Variants in NBEA observed in about 807,000 individuals in gnomAD.
The protein encoded by NBEA is neurobeachin.
Under a neutral mutation model 343.4 loss-of-function variants are expected in NBEA, and 44 were observed. That is an observed-to-expected ratio of 0.13 (90% CI 0.10 to 0.16). The LOEUF (loss-of-function observed/expected upper bound fraction) is 0.16. Among genes scored for constraint, NBEA ranks in the 10% least tolerant of loss-of-function variants. The pLI is 1.00. For synonymous variants in NBEA, 1,175 were observed against 1,238.7 expected (o/e 0.95, Z 1.08); for missense variants, 2,555 against 3,631.3 (o/e 0.70, Z 7.62).
chr13:35,156,938 T>TATAACG (rs2069213705), intron 20 of NBEA, 140 bp from the exon 21 acceptor site: 2 of 517,334 alleles, frequency 3.9e-6, no homozygotes, highest in Admixed American at 7.3e-5. Context: ...GTATAGAATA[T>TATAACG]ATAACGTGCA....
chr13:35,381,395 A>G (rs2042006205), intron 38 of NBEA, among the ~76,000 whole-genome samples: 1 of 152,160 alleles, frequency 6.6e-6, no homozygotes, highest in Admixed American at 6.5e-5. Context: ...CATTTGTGAG[A>G]GCATACCAAT....
chr13:34,967,735 T>C (rs1242554710), intron 1 of NBEA, among the ~76,000 whole-genome samples: 1 of 152,084 alleles, frequency 6.6e-6, no homozygotes, highest in Non-Finnish European at 1.5e-5. Context: ...CTACTCACCC[T>C]GCAGTTGTAG....
In NBEA at chr13:35,195,861, C is replaced by T. The variant is rs2072558472; in HGVS notation, c.4928-3C>T. ...TTTTCTAACCTAGTTTCTTTCATTA[C>T]AGAAACACCTGCTGCATTTCCAGAC... On this transcript the variant is annotated splice_region_variant and splice_polypyrimidine_tract_variant and intron_variant, in intron 30 of 58. Transcript: ENST00000379939. 6.4e-7 allele frequency: 1 copy of T among 1,566,978 alleles called. No individual in the cohort carries two copies. Among genetic ancestry groups the T allele is most frequent in the South Asian group, 1.2e-5 (1 of 83,168 alleles).
intron 25 of NBEA, among the ~76,000 whole-genome samples, chr13:35,170,114 C>G (rs1242196428): frequency 6.6e-6 from 1 of 151,732 alleles, no homozygotes; most frequent in Non-Finnish European, 1.5e-5. Context: ...TTATTACCCA[C>G]TTTGTGCACA....
intron 1 of NBEA, among the ~76,000 whole-genome samples, chr13:34,963,873 T>G (rs913620853): frequency 3.9e-5 from 6 of 152,060 alleles, no homozygotes; most frequent in African/African-American, 1.4e-4. Context: ...ATCTAGGTCT[T>G]ACTTTTCTTT....
At chr13:35,480,799 T>C (rs2152966594) in intron 41 of NBEA, among the ~76,000 whole-genome samples, 1 of 152,134 alleles carries the variant, frequency 6.6e-6, no homozygotes. Context: ...ATGTGTCACA[T>C]TAAATAAAGT....
At chr13:35,638,623 C>T (rs2083804532) in intron 49 of NBEA, among the ~76,000 whole-genome samples, 2 of 152,194 alleles carry the variant, frequency 1.3e-5, no homozygotes, top group Admixed American at 1.3e-4. Context: ...CTGGTCTGTT[C>T]CCCCTGGGTT....
At chr13:35,414,699 A>G (rs1380880179) in intron 38 of NBEA, among the ~76,000 whole-genome samples, 6 of 152,154 alleles carry the variant, frequency 3.9e-5, no homozygotes, top group Non-Finnish European at 1.5e-5. Flanking sequence ...ATACGTGTGC[A>G]TGTGTCTTTA....
chr13:35,581,072 G>C (rs2081006878), intron 45 of NBEA, among the ~76,000 whole-genome samples: 1 of 152,126 alleles, frequency 6.6e-6, no homozygotes, highest in African/African-American at 2.4e-5. Context: ...CACGTGAGAG[G>C]TCTATTAGCA....
intron 48 of NBEA, among the ~76,000 whole-genome samples, chr13:35,615,648 T>C (rs1487758260): frequency 1.3e-5 from 2 of 152,024 alleles, no homozygotes; most frequent in African/African-American, 2.4e-5. Context: ...CTCGGCCCCA[T>C]TGAGGTAAAT....
intron 36 of NBEA, among the ~76,000 whole-genome samples, chr13:35,322,919 G>A (rs868096927): frequency 1.3e-5 from 2 of 151,948 alleles, no homozygotes; most frequent in Non-Finnish European, 2.9e-5. Flanking sequence ...GCATGATCTC[G>A]GCTCACTGCA....
intron 48 of NBEA, among the ~76,000 whole-genome samples, chr13:35,618,421 A>AT (rs561790444): frequency 3.1e-4 from 47 of 152,288 alleles, no homozygotes; most frequent in African/African-American, 1.1e-3. Flanking sequence ...TTCATTTTTT[A>AT]TTTTTTTAAA....
chr13:35,086,587 C>T (rs1008055588), intron 10 of NBEA, among the ~76,000 whole-genome samples: 1 of 151,892 alleles, frequency 6.6e-6, no homozygotes, highest in Non-Finnish European at 1.5e-5. Context: ...GATTTCATAG[C>T]TTTGCTTTTG....
intron 6 of NBEA, among the ~76,000 whole-genome samples, chr13:35,055,689 G>A (rs2063229121): frequency 1.3e-5 from 2 of 152,110 alleles, no homozygotes; most frequent in South Asian, 4.1e-4. Flanking sequence ...GGTATCTGCA[G>A]TGCTTGGCAC....
At chr13:35,440,173 C>G (rs929336195) in intron 39 of NBEA, among the ~76,000 whole-genome samples, 1 of 152,188 alleles carries the variant, frequency 6.6e-6, no homozygotes, top group Admixed American at 6.5e-5. Flanking sequence ...AGCTACCATG[C>G]CCAGCCCGAT....
intron 38 of NBEA, among the ~76,000 whole-genome samples, chr13:35,355,028 A>G (rs74896411): frequency 0.01 from 1,581 of 152,240 alleles, 27 homozygotes; most frequent in African/African-American, 0.036. Context: ...TTCTGAGGCC[A>G]TAAATGTTGC....
Position 35,295,185 on chromosome 13 carries a change from C to A in NBEA, c.5838+4735C>A, listed in dbSNP as rs552663840. 2.3e-3 allele frequency among the ~76,000 whole-genome samples: 349 copies of A among 148,744 alleles called. 1 individual carries two copies. Among genetic ancestry groups the A allele is most frequent in the Non-Finnish European group, 3.1e-3 (209 of 67,342 alleles). On this transcript the variant is annotated intron_variant, in intron 35 of 58. Transcript: ENST00000379939. ...TTTATTTGTTTATCTAGGGTATTAT[C>A]CATTTCCAGGCAATGTGTAATCCAA...
At chr13:35,560,597 G>A (rs191078005) in intron 44 of NBEA, among the ~76,000 whole-genome samples, 1 of 152,224 alleles carries the variant, frequency 6.6e-6, no homozygotes, top group East Asian at 1.9e-4. Flanking sequence ...TTAGAACTGG[G>A]CAGAAGGAGG....
intron 46 of NBEA, among the ~76,000 whole-genome samples, chr13:35,588,512 TA>T (rs1275997021): frequency 5.3e-5 from 8 of 152,196 alleles, no homozygotes; most frequent in African/African-American, 1.9e-4. Flanking sequence ...ACAACAATAA[TA>T]ATTGCTTAAA....
Sources: allele counts gnomAD v4.1 joint callset (sites outside exome capture counted in the v4.1 genomes callset), GRCh38; gene constraint gnomAD v4.1.1; transcripts MANE v1.5; gene names NCBI Gene and HGNC (gene_info 2026-07-23, HGNC 2026-07-21).